The following SYCP2 variants were observed in gnomAD, a reference collection of about 807,000 sequenced individuals.
The protein encoded by SYCP2 is synaptonemal complex lateral element protein.
SYCP2 carries 55 observed loss-of-function variants against 211.3 expected under a neutral mutation model. That is an observed-to-expected ratio of 0.26 (90% CI 0.21 to 0.33). The LOEUF (loss-of-function observed/expected upper bound fraction) is 0.33. Among genes scored for constraint, SYCP2 ranks in the 10% least tolerant of loss-of-function variants. The pLI, the probability that SYCP2 is intolerant of heterozygous loss-of-function variation, is 1.00. For missense variants in SYCP2, 1,731 were observed against 1,752.0 expected (o/e 0.99, Z 0.21); for synonymous variants, 570 against 555.2 (o/e 1.03, Z -0.37).
chr20:59,872,234 T>C (rs753746483), intron 35 of SYCP2, among the ~76,000 whole-genome samples: 4 of 152,004 alleles, frequency 2.6e-5, no homozygotes, highest in Non-Finnish European at 4.4e-5. Flanking sequence ...CCAGAAATCA[T>C]TTATAAGTTT....
chr20:59,907,463 T>C (rs1600932811), intron 14 of SYCP2, 39 bp from the exon 15 acceptor site: 1 of 1,528,308 alleles, frequency 6.5e-7, no homozygotes, highest in South Asian at 1.2e-5. Flanking sequence ...AAATAATTTA[T>C]TTCTGATTTA....
Position 59,867,749 on chromosome 20 carries a change from A to G in SYCP2, c.4087T>C (p.Tyr1363His). The change falls in exon 39 of 45, where the codon TAC becomes CAC. Residue 1363 changes from tyrosine to histidine, a missense_variant. Transcript: ENST00000357552. ...FAGIEMTYET[Y>H]ERLNSEFKRR... ...TTAAATTCTGAATTGAGCCTCTCGT[A>G]AGTCTCATAAGTCATCTCTATCCCT... 6.2e-7 allele frequency: 1 copy of G among 1,609,648 alleles called. No homozygotes were observed. Among genetic ancestry groups the G allele is most frequent in the South Asian group, 1.1e-5 (1 of 90,888 alleles).
At chr20:59,876,081 A>G (rs1467568894) in intron 33 of SYCP2, among the ~76,000 whole-genome samples, 1 of 151,988 alleles carries the variant, frequency 6.6e-6, no homozygotes, top group Non-Finnish European at 1.5e-5. Flanking sequence ...TCCTTTAAGA[A>G]GTGACAGAAG....
intron 36 of SYCP2, among the ~76,000 whole-genome samples, chr20:59,869,240 G>A (rs189883225): frequency 9.3e-4 from 141 of 151,650 alleles, no homozygotes; most frequent in Non-Finnish European, 1.5e-3. Flanking sequence ...TAAACTACTC[G>A]TCTTTCAAAC....
In SYCP2 at chr20:59,869,958, T is replaced by C. The variant is rs2059419489; in HGVS notation, c.3581A>G (p.Asn1194Ser). ...TATTTTTTTTCTATTTACAATAGTA[T>C]TACTCTTAGTTGGAGTATGTCTGGG... ...FLPRHTPTKS[N>S]TIVNRKKISS... The change falls in exon 36 of 45, where the codon AAT becomes AGT. Residue 1194 changes from asparagine to serine, a missense_variant. Asn to Ser is a conservative substitution (Grantham distance 46, BLOSUM62 1). Around this residue, in one of 3 missense-constraint regions of SYCP2, gnomAD observed 1,387 missense variants for 1,351.3 expected, o/e 1.03. Coordinates refer to ENST00000357552, the MANE Select transcript of SYCP2 (RefSeq NM_014258.4). 2 of 1,599,786 alleles carry C rather than the reference T, an allele frequency of 1.3e-6. No individual in the cohort carries two copies.
chr20:59,915,403 C>A (rs41276966), intron 9 of SYCP2, 62 bp downstream of exon 9: 29,865 of 1,199,282 alleles, frequency 0.025, 443 homozygotes, highest in Middle Eastern at 0.044. Context: ...TCATAGTTGT[C>A]TGTCTTATAA....
chr20:59,914,423 G>A (rs1334481327), intron 10 of SYCP2, among the ~76,000 whole-genome samples, 172 bp from the exon 11 acceptor site: 1 of 151,776 alleles, frequency 6.6e-6, no homozygotes, highest in Non-Finnish European at 1.5e-5. Flanking sequence ...ATCATTTGAG[G>A]AATTAACACA....
chr20:59,919,258 A>T, intron 6 of SYCP2, 76 bp from the exon 7 acceptor site: 3 of 794,886 alleles, frequency 3.8e-6, no homozygotes, highest in Non-Finnish European at 6.2e-6. Context: ...AAACCATTAC[A>T]AATGGTATTG....
intron 26 of SYCP2, among the ~76,000 whole-genome samples, 172 bp downstream of exon 26, chr20:59,885,756 T>C (rs1247506519): frequency 1.3e-5 from 2 of 152,162 alleles, no homozygotes; most frequent in Non-Finnish European, 2.9e-5. Flanking sequence ...AACAGAAGGT[T>C]GGAGGGCTAT....
chr20:59,905,198 T>C (rs1022319988), intron 15 of SYCP2, among the ~76,000 whole-genome samples: 1 of 152,216 alleles, frequency 6.6e-6, no homozygotes, highest in South Asian at 2.1e-4. Flanking sequence ...GACAACACTT[T>C]AGAAGTTTCT....
In SYCP2 at chr20:59,922,477, T is replaced by C. The variant is rs2060559814; in HGVS notation, c.-46-18A>G. On this transcript the variant is annotated intron_variant, in intron 2 of 44. Coordinates refer to ENST00000357552, the MANE Select transcript of SYCP2 (RefSeq NM_014258.4). ...ATAAACACCTATAAAAGAAAACATA[T>C]ATTTTCTGTATCTCACAATCTGTTT... 4 of 1,196,260 alleles carry C rather than the reference T, an allele frequency of 3.3e-6. No individual in the cohort carries two copies. In the South Asian group the frequency reaches 4.3e-5, roughly 13 times the overall value. 74.1% of individuals were successfully genotyped at this position (1,196,260 alleles called of 1,614,324 possible). A position where few individuals can be genotyped will look rare whatever the true frequency, so the allele number is the denominator to read the frequency against.
intron 44 of SYCP2, among the ~76,000 whole-genome samples, chr20:59,864,982 A>T (rs1356939938): frequency 6.6e-6 from 1 of 151,966 alleles, no homozygotes; most frequent in Non-Finnish European, 1.5e-5. Flanking sequence ...TAATCCTCAA[A>T]TCTAAGTAAA....
At chr20:59,864,411 C>A (rs1328791649) in intron 44 of SYCP2, 23 bp from the exon 45 acceptor site, 36 of 1,475,424 alleles carry the variant, frequency 2.4e-5, no homozygotes, top group Non-Finnish European at 3.1e-5. Context: ...AAAAAAAAAT[C>A]ACACTTAGAT....
intron 44 of SYCP2, 58 bp from the exon 45 acceptor site, chr20:59,864,446 C>T: frequency 8.6e-7 from 1 of 1,167,756 alleles, no homozygotes; most frequent in Non-Finnish European, 1.2e-6. Context: ...GTAAAACCAC[C>T]AAATAAAATA....
At chr20:59,904,740 A>T (rs1261724579) in intron 15 of SYCP2, among the ~76,000 whole-genome samples, 1 of 152,236 alleles carries the variant, frequency 6.6e-6, no homozygotes, top group Non-Finnish European at 1.5e-5. Flanking sequence ...GGAAACTTAT[A>T]AAAAAAGATT....
At chr20:59,868,662 A>G (rs1336048535) in intron 37 of SYCP2, 94 bp from the exon 38 acceptor site, 1 of 1,390,260 alleles carries the variant, frequency 7.2e-7, no homozygotes, top group Non-Finnish European at 9.6e-7. Context: ...CTTTGTTTCC[A>G]CTAAGTATTT....
intron 24 of SYCP2, among the ~76,000 whole-genome samples, chr20:59,887,120 T>G (rs1278821716): frequency 1.3e-5 from 2 of 152,168 alleles, no homozygotes; most frequent in African/African-American, 4.8e-5. Flanking sequence ...TCATTTACAT[T>G]AGGTATATCT....
chr20:59,874,991 CT>C (rs1054518392), intron 34 of SYCP2, among the ~76,000 whole-genome samples: 1 of 151,838 alleles, frequency 6.6e-6, no homozygotes, highest in Admixed American at 6.6e-5. Context: ...AAATTAAGTA[CT>C]TTTTTAAGAT....
In SYCP2 at chr20:59,901,683, A is replaced by T. The variant is rs1395792474; in HGVS notation, c.1161T>A (p.Ile387=). The stretch of plus-strand genomic sequence containing the variant: ...TTACCCTATGTTTAGTTGCACCAAA[A>T]ATTTTTTGAGTTACATTAGTGATTT... ...SLEITNVTQK[I]FGATKHRESI... Residue 387 remains isoleucine (I), a synonymous_variant, in exon 16 of 45, where the codon ATT becomes ATA. Transcript: ENST00000357552. The T allele has an allele frequency of 2.5e-6, 4 of 1,581,464 alleles. No homozygotes were observed. The highest frequency in any genetic ancestry group is 3.4e-6 in the Non-Finnish European group (4 of 1,162,592).
Sources: gnomAD v4.1 joint callset for allele counts (sites outside exome capture counted in the v4.1 genomes callset) on GRCh38, gnomAD v4.1.1 for gene constraint, gnomAD v4.1.1 regional missense constraint, MANE v1.5 for transcripts, NCBI Gene and HGNC (gene_info 2026-07-23, HGNC 2026-07-21) for gene names.